PCDHA3: variants seen among roughly 807,000 people sequenced by gnomAD.
PCDHA3 encodes protocadherin alpha 3, also known as protocadherin alpha-3.
PCDHA3 carries 41 observed loss-of-function variants against 62.2 expected under a neutral mutation model. That is an observed-to-expected ratio of 0.66 (90% CI 0.51 to 0.86). The LOEUF is 0.86. Among genes scored for constraint, PCDHA3 ranks in the 40% least tolerant of loss-of-function variants. The pLI, the probability that PCDHA3 is intolerant of heterozygous loss-of-function variation, is 0.00. For missense variants in PCDHA3, 1,304 were observed against 1,241.2 expected, an observed-to-expected ratio of 1.05 and a Z score of -0.76; for synonymous variants, 640 against 555.4, an observed-to-expected ratio of 1.15 and a Z score of -2.14.
chr5:140,966,860 T>A, intron 1 of PCDHA3: 1 of 1,577,482 alleles, frequency 6.3e-7, no homozygotes, highest in Middle Eastern at 1.7e-4. Flanking sequence ...CCTGCTGCTG[T>A]TGCTGCTGCT....
chr5:140,829,771 C>A, intron 1 of PCDHA3: 5 of 1,613,808 alleles, frequency 3.1e-6, no homozygotes, highest in Middle Eastern at 1.7e-4. Context: ...ACGAGAACGA[C>A]AACGCGCCGG....
In PCDHA3 at chr5:140,801,230, C is replaced by T. The variant is rs1762661814; in HGVS notation, c.33C>T (p.Ala11=). MLFSWREDPG[A]QCLLLSLLLL... ...TCTCCTGGCGAGAAGATCCTGGAGC[C>T]CAGTGCCTGCTGCTTTCTCTTCTGC... Residue 11 remains alanine (A), a synonymous_variant, in exon 1 of 4, where the codon GCC becomes GCT. Coordinates refer to ENST00000522353, the MANE Select transcript of PCDHA3 (RefSeq NM_018906.3). 1.2e-6 allele frequency: 2 copies of T among 1,612,176 alleles called. No homozygotes were observed. Among genetic ancestry groups the T allele is most frequent in the Non-Finnish European group, 1.7e-6 (2 of 1,178,798 alleles).
chr5:140,895,892 A>T (rs1554186717), intron 1 of PCDHA3, among the ~76,000 whole-genome samples: 1 of 152,080 alleles, frequency 6.6e-6, no homozygotes, highest in Non-Finnish European at 1.5e-5. Flanking sequence ...GCTCACTGCA[A>T]CCTCCGCGTC....
intron 1 of PCDHA3, chr5:140,830,025 A>G (rs1770760911): frequency 6.2e-7 from 1 of 1,613,706 alleles, no homozygotes. Flanking sequence ...TCTCCGCGCC[A>G]CCGGCTGCTG....
chr5:140,928,732 A>G, intron 1 of PCDHA3: 1 of 1,614,114 alleles, frequency 6.2e-7, no homozygotes, highest in South Asian at 1.1e-5. Context: ...AATTTCAGCC[A>G]ATATAGGTGA....
intron 1 of PCDHA3, chr5:140,870,717 T>G: frequency 6.2e-7 from 1 of 1,613,180 alleles, no homozygotes. Flanking sequence ...GCGCGCGCGA[T>G]GCGGGCGTGC....
chr5:140,862,896 G>A (rs782777981), intron 1 of PCDHA3: 1 of 554,390 alleles, frequency 1.8e-6, no homozygotes, highest in East Asian at 4.8e-5. Flanking sequence ...CGACAACTTT[G>A]TCTGCGCTGC....
At chr5:140,828,266 C>G (rs1769658438) in intron 1 of PCDHA3, 1 of 1,614,048 alleles carries the variant, frequency 6.2e-7, no homozygotes, top group African/African-American at 1.3e-5. Context: ...GCTGGCGGAG[C>G]TGGTGCCGCG....
intron 1 of PCDHA3, among the ~76,000 whole-genome samples, chr5:140,959,969 C>T (rs1203367528): frequency 6.6e-6 from 1 of 152,104 alleles, no homozygotes; most frequent in African/African-American, 2.4e-5. Context: ...GTAGATGTTA[C>T]TGAAAGAAGA....
intron 1 of PCDHA3, among the ~76,000 whole-genome samples, chr5:140,963,244 T>C (rs934081934): frequency 6.6e-6 from 1 of 151,988 alleles, no homozygotes; most frequent in Non-Finnish European, 1.5e-5. Flanking sequence ...ATGGATTAGG[T>C]AGGTTTTCAT....
At chr5:140,831,927 A>G (rs1415813299) in intron 1 of PCDHA3, among the ~76,000 whole-genome samples, 1 of 152,160 alleles carries the variant, frequency 6.6e-6, no homozygotes, top group African/African-American at 2.4e-5. Context: ...ATTTGCTACT[A>G]GTTTTCCGAA....
chr5:140,865,358 A>G (rs935527495), intron 1 of PCDHA3: 2 of 152,230 alleles, frequency 1.3e-5, no homozygotes, highest in Non-Finnish European at 2.9e-5. Flanking sequence ...TACATATTGC[A>G]GGATAACCAT....
chr5:140,967,023 G>A, intron 1 of PCDHA3: 1 of 1,608,160 alleles, frequency 6.2e-7, no homozygotes, highest in South Asian at 1.1e-5. Context: ...GGTGCGCCCA[G>A]TCCGCGCTAC....
At chr5:140,876,153 G>T in intron 1 of PCDHA3, 2 of 1,613,964 alleles carry the variant, frequency 1.2e-6, no homozygotes, top group South Asian at 2.2e-5. Context: ...GGTCTGTCCA[G>T]ATTCAAATAA....
chr5:140,868,148 T>C (rs980442760), intron 1 of PCDHA3: 1 of 152,150 alleles, frequency 6.6e-6, no homozygotes, highest in African/African-American at 2.4e-5. Context: ...ATTGATTCTG[T>C]TACATAAAGT....
intron 1 of PCDHA3, among the ~76,000 whole-genome samples, chr5:140,911,672 C>T (rs1010402307): frequency 2.6e-5 from 4 of 152,154 alleles, no homozygotes; most frequent in Non-Finnish European, 5.9e-5. Flanking sequence ...TTGCCTCTCA[C>T]GAACCGTGCA....
At chr5:141,009,374 G>A (rs567366098) in intron 3 of PCDHA3, among the ~76,000 whole-genome samples, 2 of 152,334 alleles carry the variant, frequency 1.3e-5, no homozygotes, top group African/African-American at 2.4e-5. Context: ...TGGGAGGATT[G>A]ATTGAGCACA....
At chr5:140,806,150 G>A (rs1763691623) in intron 1 of PCDHA3, among the ~76,000 whole-genome samples, 1 of 152,150 alleles carries the variant, frequency 6.6e-6, no homozygotes, top group Non-Finnish European at 1.5e-5. Flanking sequence ...GTTTTAAGTG[G>A]TTATAAAATG....
chr5:140,982,843 A>G (rs782122104), intron 3 of PCDHA3, among the ~76,000 whole-genome samples: 1 of 152,090 alleles, frequency 6.6e-6, no homozygotes, highest in Non-Finnish European at 1.5e-5. Flanking sequence ...GTTTGTTTAA[A>G]TCAGGTACCT....
Sources: gnomAD v4.1 joint callset for allele counts (sites outside exome capture counted in the v4.1 genomes callset) on GRCh38, gnomAD v4.1.1 for gene constraint, MANE v1.5 for transcripts, NCBI Gene and HGNC (gene_info 2026-07-23, HGNC 2026-07-21) for gene names.